Variants in DPP6 observed in about 807,000 individuals in gnomAD.
DPP6 encodes the protein A-type potassium channel modulatory protein DPP6.
DPP6 carries 69 observed loss-of-function variants against 122.6 expected under a neutral mutation model. The observed-to-expected ratio is 0.56, with a 90% confidence interval of 0.46 to 0.69. The LOEUF (loss-of-function observed/expected upper bound fraction) is 0.69. Ranked by LOEUF, DPP6 falls within the 30% of genes least tolerant of loss-of-function variation. DPP6 has a pLI of 0.00. For missense variants in DPP6, 928 were observed against 1,116.9 expected (o/e 0.83, Z 2.41); for synonymous variants, 418 against 433.1 (o/e 0.97, Z 0.43).
At chr7:154,674,879 G>A (rs1838791181) in intron 7 of DPP6, among the ~76,000 whole-genome samples, 1 of 152,164 alleles carries the variant, frequency 6.6e-6, no homozygotes, top group African/African-American at 2.4e-5. Context: ...TAGAAGGAAA[G>A]GCCAACTTCC....
At chr7:154,320,734 C>T (rs1212868128) in intron 1 of DPP6, among the ~76,000 whole-genome samples, 3 of 152,156 alleles carry the variant, frequency 2.0e-5, no homozygotes, top group Non-Finnish European at 2.9e-5. Flanking sequence ...GATCCGCCTG[C>T]CTCAACCTCC....
chr7:153,783,892 C>A, the DPP6 span, among the ~76,000 whole-genome samples: 1 of 152,150 alleles, frequency 6.6e-6, no homozygotes, highest in Non-Finnish European at 1.5e-5. Flanking sequence ...GTAGACTGGA[C>A]AAATGTACTG....
intron 5 of DPP6, among the ~76,000 whole-genome samples, chr7:154,569,193 T>G (rs547309501): frequency 2.6e-5 from 4 of 152,088 alleles, no homozygotes; most frequent in Admixed American, 6.5e-5. Context: ...TAAGTAATTT[T>G]AGAAAAGGGA....
intron 5 of DPP6, among the ~76,000 whole-genome samples, chr7:154,597,417 C>A (rs769979563): frequency 8.7e-4 from 132 of 151,960 alleles, no homozygotes; most frequent in Non-Finnish European, 9.1e-4. Context: ...TCCTGGCTAA[C>A]ACAGTGAAAC....
chr7:154,596,620 T>C (rs966660343), intron 5 of DPP6, among the ~76,000 whole-genome samples: 14 of 152,018 alleles, frequency 9.2e-5, no homozygotes, highest in Admixed American at 3.3e-4. Context: ...CAGAGTACTT[T>C]GTAGTTTAAG....
intron 1 of DPP6, among the ~76,000 whole-genome samples, chr7:154,032,385 A>G (rs1225244146): frequency 6.6e-6 from 1 of 152,104 alleles, no homozygotes; most frequent in Non-Finnish European, 1.5e-5. Context: ...TAGCTTAGAG[A>G]GGTAGCAAAG....
chr7:154,725,123 G>A (rs557529950), intron 7 of DPP6, among the ~76,000 whole-genome samples: 5 of 152,156 alleles, frequency 3.3e-5, no homozygotes, highest in South Asian at 2.1e-4. Flanking sequence ...TGGAGTTCTC[G>A]CCTATTTACC....
At chr7:154,138,033 A>G (rs1585461931) in intron 1 of DPP6, among the ~76,000 whole-genome samples, 1 of 152,210 alleles carries the variant, frequency 6.6e-6, no homozygotes, top group Admixed American at 6.5e-5. Context: ...GCAGAAAAAC[A>G]TAGACCAGTG....
At chr7:153,840,344 T>G in the DPP6 span, among the ~76,000 whole-genome samples, 1 of 152,192 alleles carries the variant, frequency 6.6e-6, no homozygotes, top group East Asian at 1.9e-4. Context: ...ATAGAAACTA[T>G]AGAACTGAAT....
chr7:154,540,701 T>C (rs1828657186), intron 4 of DPP6, 75 bp downstream of exon 4: 7 of 916,206 alleles, frequency 7.6e-6, no homozygotes, highest in South Asian at 1.7e-5. Flanking sequence ...AAATGACTTT[T>C]GGTTTCAACT....
chr7:154,692,018 C>T (rs920173709), intron 7 of DPP6, among the ~76,000 whole-genome samples: 9 of 151,878 alleles, frequency 5.9e-5, no homozygotes. Context: ...TGTGTATAAC[C>T]CCTCTGAGCC....
chr7:154,086,055 T>C (rs376605140), intron 1 of DPP6, among the ~76,000 whole-genome samples: 2 of 152,028 alleles, frequency 1.3e-5, no homozygotes, highest in East Asian at 3.9e-4. Context: ...AATCAAAATA[T>C]AGACCTTTGA....
intron 5 of DPP6, among the ~76,000 whole-genome samples, chr7:154,604,295 C>T (rs1221744543): frequency 8.3e-6 from 1 of 120,268 alleles, no homozygotes; most frequent in Middle Eastern, 4.2e-3. Context: ...TCTATCCTTA[C>T]ACAATACCAC....
chr7:153,884,990 ATAT>A (rs1798855168), upstream of DPP6, among the ~76,000 whole-genome samples: 14 of 11,078 alleles, frequency 1.3e-3, no homozygotes, highest in African/African-American at 3.0e-3. Flanking sequence ...AAACAAAAAT[ATAT>A]ATATATATAT....
At chr7:154,619,160 A>G (rs896038167) in intron 5 of DPP6, among the ~76,000 whole-genome samples, 23 of 152,160 alleles carry the variant, frequency 1.5e-4, no homozygotes, top group African/African-American at 5.6e-4. Context: ...CTTTCCTTGT[A>G]AATTACCCGG....
intron 1 of DPP6, among the ~76,000 whole-genome samples, chr7:154,413,088 C>G (rs368556764): frequency 2.4e-4 from 36 of 152,300 alleles, no homozygotes; most frequent in African/African-American, 8.2e-4. Flanking sequence ...TCTTGAGATT[C>G]CCCCACTGAC....
chr7:154,284,128 A>G (rs1804698974), intron 1 of DPP6, among the ~76,000 whole-genome samples: 1 of 152,096 alleles, frequency 6.6e-6, no homozygotes, highest in South Asian at 2.1e-4. Flanking sequence ...GAGGCGAGTG[A>G]GACCTGGAAC....
intron 5 of DPP6, among the ~76,000 whole-genome samples, chr7:154,621,222 C>G (rs940571092): frequency 6.6e-6 from 1 of 152,104 alleles, no homozygotes; most frequent in Admixed American, 6.6e-5. Flanking sequence ...GATTTGGAAG[C>G]CTGCTAAGAA....
intron 16 of DPP6, among the ~76,000 whole-genome samples, chr7:154,850,017 T>G (rs550240109): frequency 3.8e-4 from 58 of 152,352 alleles, no homozygotes; most frequent in Non-Finnish European, 6.8e-4. Flanking sequence ...CCCACTTGTT[T>G]ATGATGAATG....
Sources: gnomAD v4.1 joint callset for allele counts (sites outside exome capture counted in the v4.1 genomes callset) on GRCh38, gnomAD v4.1.1 for gene constraint, MANE v1.5 for transcripts, NCBI Gene and HGNC (gene_info 2026-07-23, HGNC 2026-07-21) for gene names.